CPD: variants seen among roughly 807,000 people sequenced by gnomAD.
CPD encodes the protein carboxypeptidase D.
A neutral mutation model predicts 138.3 loss-of-function variants in CPD; 69 were observed. That is an observed-to-expected ratio of 0.50 (90% CI 0.41 to 0.61). The LOEUF is 0.61. Among genes scored for constraint, CPD ranks in the 20% least tolerant of loss-of-function variants. CPD has a pLI of 0.00. For synonymous variants in CPD, 651 were observed against 642.1 expected, an observed-to-expected ratio of 1.01 and a Z score of -0.21; for missense variants, 1,432 against 1,733.3, an observed-to-expected ratio of 0.83 and a Z score of 3.09.
intron 2 of CPD, among the ~76,000 whole-genome samples, chr17:30,413,053 T>C (rs1912009309): frequency 6.6e-6 from 1 of 152,234 alleles, no homozygotes; most frequent in Admixed American, 6.5e-5. Context: ...TTATGTGTTC[T>C]CTGTTTTGCT....
chr17:30,459,075 ATG>A (rs889619021), intron 17 of CPD, among the ~76,000 whole-genome samples: 1 of 144,704 alleles, frequency 6.9e-6, no homozygotes, highest in African/African-American at 2.6e-5. Flanking sequence ...TTTACCATAG[ATG>A]TGTGGATTTA....
chr17:30,443,792 C>T lies in CPD; in HGVS notation c.2374-10C>T. ...ATTATTGAAATCTGGTGTCCTTGTACTTAATCCAGGTTCATCAGGGCGTCA... is the reference window on the plus strand; with the variant it reads ...ATTATTGAAATCTGGTGTCCTTGTATTTAATCCAGGTTCATCAGGGCGTCA... On this transcript the variant is annotated splice_polypyrimidine_tract_variant and intron_variant, in intron 10 of 20. Coordinates refer to ENST00000225719, the MANE Select transcript of CPD (RefSeq NM_001304.5). 1 of 1,603,712 alleles carries T rather than the reference C, an allele frequency of 6.2e-7. No individual in the cohort carries two copies. The highest frequency in any genetic ancestry group is 8.5e-7 in the Non-Finnish European group (1 of 1,172,898).
At chr17:30,412,854 C>A (rs1452332754) in intron 2 of CPD, among the ~76,000 whole-genome samples, 1 of 152,210 alleles carries the variant, frequency 6.6e-6, no homozygotes, top group Non-Finnish European at 1.5e-5. Flanking sequence ...TGACGCCCTG[C>A]CCTGCTTCGA....
intron 13 of CPD, among the ~76,000 whole-genome samples, chr17:30,451,043 A>G (rs1913153736): frequency 6.6e-6 from 1 of 152,202 alleles, no homozygotes; most frequent in Non-Finnish European, 1.5e-5. Flanking sequence ...GTGCTGGGTA[A>G]TATACCAGGT....
At chr17:30,430,807 C>A (rs2143438514) in intron 7 of CPD, among the ~76,000 whole-genome samples, 1 of 151,848 alleles carries the variant, frequency 6.6e-6, no homozygotes, top group East Asian at 1.9e-4. Context: ...GCATGCACCA[C>A]CACACCTGGC....
At chr17:30,455,677 A>T (rs1597736761) in intron 15 of CPD, 6 of 503,382 alleles carry the variant, frequency 1.2e-5, no homozygotes, top group Non-Finnish European at 1.7e-5. Context: ...TATTGAGTCT[A>T]GCTATCTTGT....
intron 19 of CPD, 81 bp from the exon 20 acceptor site, chr17:30,462,288 CT>C: frequency 8.3e-7 from 1 of 1,201,962 alleles, no homozygotes; most frequent in Non-Finnish European, 1.2e-6. Flanking sequence ...CCTTAGTTTG[CT>C]ATATGGGGCC....
At chr17:30,382,230 T>A (rs1911068976) in intron 1 of CPD, among the ~76,000 whole-genome samples, 1 of 152,190 alleles carries the variant, frequency 6.6e-6, no homozygotes, top group South Asian at 2.1e-4. Context: ...TATCAAGTTA[T>A]CTTAATTTTT....
chr17:30,431,874 A>C lies in CPD; in HGVS notation c.2120A>C (p.Tyr707Ser), dbSNP rs1912575533. ...DAVFQQIALS[Y>S]SKENSQMFQG... ...GTGTTCCAACAAATAGCACTTTCTT[A>C]TTCCAAGGTAGGCTTGTCTTTGAAT... The change falls in exon 8 of 21, where the codon TAT becomes TCT. Residue 707 changes from tyrosine to serine, a missense_variant. Tyr to Ser is a moderately radical substitution (Grantham distance 144, BLOSUM62 -2). Coordinates refer to ENST00000225719, the MANE Select transcript of CPD (RefSeq NM_001304.5). 6.3e-7 allele frequency: 1 copy of C among 1,582,416 alleles called. No individual in the cohort carries two copies. The highest frequency in any genetic ancestry group is 1.7e-5 in the Admixed American group (1 of 58,246).
At position 30,464,715 on chromosome 17, in the gene CPD, T is replaced by A. The variant is rs774570113; in HGVS notation, c.4044T>A (p.Ile1348=). 2.4e-5 allele frequency: 38 copies of A among 1,613,896 alleles called. No homozygotes were observed. Among genetic ancestry groups the A allele is most frequent in the Non-Finnish European group, 3.1e-5 (36 of 1,179,928 alleles). Residue 1348 remains isoleucine, a synonymous_variant, in exon 21 of 21, where the codon ATT becomes ATA. Transcript: ENST00000225719. ...RQHHDEYEDE[I]RMMSTGSKKS... ...ATCATGATGAGTATGAAGATGAAAT[T>A]CGCATGATGTCTACCGGCTCCAAGA...
At chr17:30,410,350 A>T (rs1339636944) in intron 2 of CPD, among the ~76,000 whole-genome samples, 1 of 152,090 alleles carries the variant, frequency 6.6e-6, no homozygotes, top group Admixed American at 6.6e-5. Context: ...TGGAGTGGAG[A>T]GTTCTGTAGA....
intron 2 of CPD, among the ~76,000 whole-genome samples, chr17:30,409,690 C>T (rs888103120): frequency 3.3e-5 from 5 of 152,074 alleles, no homozygotes; most frequent in African/African-American, 9.7e-5. Context: ...TCTGTGGGAT[C>T]GGTGGTGATA....
rs1237124575 is a variant in CPD at position 30,427,526 on chromosome 17, A to G, written c.1985A>G (p.Tyr662Cys). ...GCTGTAATGAGCTGGATGAAGTCCT[A>G]TCCATTTGTACTTTCAGCAAACCTG... Reference protein sequence around the residue: ...TIAVMSWMKSYPFVLSANLHG... With the variant: ...TIAVMSWMKSCPFVLSANLHG... The change falls in exon 7 of 21, where the codon TAT (tyrosine) becomes TGT (cysteine). Residue 662 changes from tyrosine to cysteine, a missense_variant. By Grantham distance (194) the Tyr-to-Cys change is radical. Around this residue, in one of 6 missense-constraint regions of CPD, gnomAD observed 297 missense variants for 405.3 expected, o/e 0.73. Transcript: ENST00000225719. 4 of 1,614,124 alleles carry G rather than the reference A, an allele frequency of 2.5e-6. No homozygotes were observed. In the East Asian group the frequency reaches 6.7e-5, roughly 27 times the overall value.
Position 30,400,824 on chromosome 17 carries a change from A to ATT in CPD, c.994+15606_994+15607dup, listed in dbSNP as rs778290874. Among the ~76,000 whole-genome samples, 48 of 125,764 alleles carry ATT rather than the reference A, an allele frequency of 3.8e-4. 1 individual carries two copies. The highest frequency in any genetic ancestry group is 1.0e-3 in the African/African-American group (35 of 34,160). 82.5% of individuals were successfully genotyped at this position (125,764 alleles called of 152,430 possible). On this transcript the variant is annotated intron_variant, in intron 2 of 20. Transcript: ENST00000225719. ...AGGCGCCTACCACCACGCCCGGTTA[A>ATT]TTTTTTTTTTTTTTTTTTTGTATTT...
intron 13 of CPD, among the ~76,000 whole-genome samples, chr17:30,451,271 T>G (rs777465909): frequency 3.9e-5 from 6 of 152,170 alleles, no homozygotes; most frequent in Non-Finnish European, 5.9e-5. Flanking sequence ...TGTAATTAGG[T>G]GACATGAACT....
intron 13 of CPD, among the ~76,000 whole-genome samples, chr17:30,450,500 T>G (rs1597734723): frequency 1.3e-5 from 2 of 152,326 alleles, no homozygotes; most frequent in South Asian, 4.1e-4. Flanking sequence ...TTGGACATCT[T>G]GGCTGCTAAG....
chr17:30,414,277 T>A (rs1912046082), intron 2 of CPD, among the ~76,000 whole-genome samples: 1 of 152,066 alleles, frequency 6.6e-6, no homozygotes, highest in Non-Finnish European at 1.5e-5. Flanking sequence ...GGGGAACCTG[T>A]TAAGAGCAAT....
chr17:30,451,651 G>A (rs1287981620), intron 13 of CPD, 60 bp from the exon 14 acceptor site: 5 of 1,515,362 alleles, frequency 3.3e-6, no homozygotes, highest in African/African-American at 2.8e-5. Context: ...TGAGGCATGA[G>A]AGGGTACCCA....
intron 17 of CPD, among the ~76,000 whole-genome samples, chr17:30,458,204 A>G (rs2143504529): frequency 6.6e-6 from 1 of 152,314 alleles, no homozygotes; most frequent in South Asian, 2.1e-4. Flanking sequence ...CAAAAAAACG[A>G]ATAAACAAAC....
Sources: gnomAD v4.1 joint callset for allele counts (sites outside exome capture counted in the v4.1 genomes callset) on GRCh38, gnomAD v4.1.1 for gene constraint, gnomAD v4.1.1 regional missense constraint, MANE v1.5 for transcripts, NCBI Gene and HGNC (gene_info 2026-07-23, HGNC 2026-07-21) for gene names.